The following ASB9 variants were observed in gnomAD, a reference collection of about 807,000 sequenced individuals.
ASB9 encodes the protein ankyrin repeat and SOCS box protein 9.
A neutral mutation model predicts 16.6 loss-of-function variants in ASB9; 5 were observed. That is an observed-to-expected ratio of 0.30 (90% CI 0.16 to 0.63). The LOEUF (loss-of-function observed/expected upper bound fraction) is 0.63. Ranked by LOEUF, ASB9 falls within the 30% of genes least tolerant of loss-of-function variation. The probability of loss-of-function intolerance (pLI) is 0.82; values close to 1 mark genes in which losing one functional copy is unlikely to be tolerated. For synonymous variants in ASB9, 100 were observed against 86.4 expected (o/e 1.16, Z -0.87); for missense variants, 216 against 229.4 (o/e 0.94, Z 0.38).
intron 1 of ASB9, among the ~76,000 whole-genome samples, chrX:15,267,417 A>AGAATATATATTAAAAAAAAAAAAAAATAC (rs1555934601): frequency 8.1e-4 from 63 of 77,942 alleles, no homozygotes; most frequent in African/African-American, 3.1e-3. Flanking sequence ...CTAAAAAAAA[A>AGAATATATATTAAAAAAAAAAAAAAATAC]ATATATATAT....
intron 1 of ASB9, among the ~76,000 whole-genome samples, chrX:15,261,550 C>CTT (rs995519758): frequency 6.2e-5 from 7 of 112,091 alleles, no homozygotes; most frequent in Non-Finnish European, 1.9e-5. Context: ...CACAAATGGT[C>CTT]TTACTTTCTG....
chrX:15,245,139 T>C (rs1034423364), intron 6 of ASB9, among the ~76,000 whole-genome samples: 1 of 111,740 alleles, frequency 8.9e-6, no homozygotes, highest in Non-Finnish European at 1.9e-5. Context: ...AATGCTTCAA[T>C]TCATAAGTGA....
At chrX:15,248,045 C>T (rs1421118488) in intron 6 of ASB9, among the ~76,000 whole-genome samples, 1 of 111,873 alleles carries the variant, frequency 8.9e-6, no homozygotes, top group Non-Finnish European at 1.9e-5. Context: ...GTCCATACTC[C>T]GGTAAGAAAA....
chrX:15,245,462 A>G (rs35822628), intron 6 of ASB9, among the ~76,000 whole-genome samples: 17,635 of 110,624 alleles, frequency 0.16, 2,162 homozygotes, highest in African/African-American at 0.41. Flanking sequence ...AAGGATGGGG[A>G]ATGATTTTCC....
intron 3 of ASB9, among the ~76,000 whole-genome samples, chrX:15,253,679 T>A (rs1925314102): frequency 8.9e-6 from 1 of 112,337 alleles, no homozygotes; most frequent in South Asian, 3.7e-4. Context: ...GGCTATCTTT[T>A]CTAATGTTGG....
chrX:15,244,307 T>G lies in ASB9; in HGVS notation c.*199A>C. ...AATAATACAAACGTATGCAGTGTCT[T>G]TCAACCCTGGCTTGAGTTTAACAAA... On this transcript the variant is annotated 3_prime_UTR_variant, in exon 7 of 7. Coordinates refer to ENST00000380488, the MANE Select transcript of ASB9 (RefSeq NM_001031739.3). The G allele has an allele frequency of 2.2e-6, 1 of 447,735 alleles. No homozygotes were observed. The allele number at this position is 447,735 out of a possible 1,213,427, so 36.9% of individuals were successfully genotyped here.
intron 3 of ASB9, 34 bp downstream of exon 3, chrX:15,254,703 T>C (rs376110214): frequency 5.9e-5 from 64 of 1,093,180 alleles, no homozygotes; most frequent in Middle Eastern, 4.9e-4. Flanking sequence ...TTTTTCATTC[T>C]TGGTTTCTAA....
intron 6 of ASB9, among the ~76,000 whole-genome samples, chrX:15,247,839 A>AG (rs1243368761): frequency 8.9e-6 from 1 of 112,272 alleles, no homozygotes; most frequent in East Asian, 2.8e-4. Context: ...GCATGCCCCC[A>AG]GGCAGGGACT....
At chrX:15,257,620 G>A (rs1205361966) in intron 2 of ASB9, among the ~76,000 whole-genome samples, 1 of 111,242 alleles carries the variant, frequency 9.0e-6, no homozygotes, top group Non-Finnish European at 1.9e-5. Flanking sequence ...AATTAACTGT[G>A]ATTTGTCTAA....
At chrX:15,269,656 T>G in intron 1 of ASB9, 125 bp downstream of exon 1, 2 of 431,879 alleles carry the variant, frequency 4.6e-6, no homozygotes. Context: ...CAGTGAGCTG[T>G]GGACATCTGC....
intron 5 of ASB9, among the ~76,000 whole-genome samples, chrX:15,250,210 C>CG (rs758862010): frequency 3.9e-5 from 4 of 103,188 alleles, no homozygotes; most frequent in African/African-American, 1.1e-4. Flanking sequence ...CATCATCATC[C>CG]TCCTCCTCCT....
intron 1 of ASB9, among the ~76,000 whole-genome samples, chrX:15,264,086 C>T (rs1433388663): frequency 8.9e-6 from 1 of 111,801 alleles, no homozygotes; most frequent in East Asian, 2.8e-4. Context: ...AGTCTGAAAT[C>T]AAGGTGTGGA....
chrX:15,257,409 A>AAATAAT lies in ASB9; in HGVS notation c.174+1451_174+1456dup, dbSNP rs928149648. On this transcript the variant is annotated intron_variant, in intron 2 of 6. Coordinates refer to ENST00000380488, the MANE Select transcript of ASB9 (RefSeq NM_001031739.3). ...ACAAGAGTGAAACTCCATCTCAAAAAAATAATAATAATAATAATAATAATG... is the reference window on the plus strand; with the variant it reads ...ACAAGAGTGAAACTCCATCTCAAAAAAATAATAATAATAATAATAATAATAATAATG... Among the ~76,000 whole-genome samples the AAATAAT allele has an allele frequency of 9.1e-5, 10 of 110,025 alleles. No homozygotes were observed. In the South Asian group the frequency reaches 1.9e-3, roughly 21 times the overall value.
intron 6 of ASB9, among the ~76,000 whole-genome samples, chrX:15,245,102 T>G (rs762702451): frequency 1.8e-4 from 20 of 112,036 alleles, no homozygotes; most frequent in Non-Finnish European, 3.8e-4. Context: ...CGTGTTTGTT[T>G]TTACATCCTG....
rs1925504014 is a variant in ASB9 at position 15,256,016 on chromosome X, A to G, written c.175-1172T>C. 2.7e-5 allele frequency among the ~76,000 whole-genome samples: 3 copies of G among 111,564 alleles called. No homozygotes were observed. The South Asian group carries it at 1.1e-3, about 42-fold the overall frequency. The stretch of plus-strand genomic sequence containing the variant: ...TGTTTTTCTTAGATTTCCTAGCTCT[A>G]TCATAGTTTTGACAAGGGGGTCAAC... On this transcript the variant is annotated intron_variant, in intron 2 of 6. Transcript: ENST00000380488.
chrX:15,250,761 C>A (rs1007575010), intron 4 of ASB9, among the ~76,000 whole-genome samples, 197 bp from the exon 5 acceptor site: 1 of 111,477 alleles, frequency 9.0e-6, no homozygotes, highest in Admixed American at 9.5e-5. Flanking sequence ...TCGCTCTGTC[C>A]CCCAGGCTGG....
chrX:15,248,636 A>C, intron 6 of ASB9, 108 bp downstream of exon 6: 1 of 1,105,319 alleles, frequency 9.0e-7, no homozygotes, highest in Non-Finnish European at 1.2e-6. Context: ...GATGTCAGAG[A>C]ATGATCTTTT....
chrX:15,245,593 A>G (rs1924594080), intron 6 of ASB9, among the ~76,000 whole-genome samples: 1 of 111,725 alleles, frequency 9.0e-6, no homozygotes, highest in African/African-American at 3.3e-5. Flanking sequence ...CAATCCAGGT[A>G]GCACTTCAGA....
chrX:15,255,887 A>G (rs773604545), intron 2 of ASB9, among the ~76,000 whole-genome samples: 2 of 112,104 alleles, frequency 1.8e-5, no homozygotes, highest in South Asian at 3.7e-4. Flanking sequence ...CTCTTTAAAC[A>G]TAAGTATTTA....
Sources: gnomAD v4.1 joint callset for allele counts (sites outside exome capture counted in the v4.1 genomes callset) on GRCh38, gnomAD v4.1.1 for gene constraint, MANE v1.5 for transcripts, NCBI Gene and HGNC (gene_info 2026-07-23, HGNC 2026-07-21) for gene names.